Variants in RASSF3 observed in about 807,000 individuals in gnomAD.
The protein encoded by RASSF3 is Ras association domain family member 3, also known as ras association domain-containing protein 3.
In RASSF3, 19 loss-of-function variants were observed where a neutral mutation model predicts 19.9. The ratio of observed to expected loss-of-function variants is 0.96; its 90% confidence interval spans 0.67 to 1.40. The LOEUF (loss-of-function observed/expected upper bound fraction) is 1.40, where lower values mean the gene tolerates loss of function less well. Ranked by LOEUF, RASSF3 falls within the 40% of genes most tolerant of loss-of-function variation. The pLI is 0.00. For missense variants in RASSF3, 306 were observed against 289.8 expected (o/e 1.06, Z -0.41); for synonymous variants, 110 against 104.2 (o/e 1.06, Z -0.34).
At chr12:64,659,813 T>C (rs1383417684) in intron 1 of RASSF3, among the ~76,000 whole-genome samples, 1 of 151,930 alleles carries the variant, frequency 6.6e-6, no homozygotes. Context: ...CTGGATGTGG[T>C]GGTGCATGCC....
intron 1 of RASSF3, chr12:64,611,698 C>T (rs982056456): frequency 2.6e-5 from 4 of 152,236 alleles, no homozygotes; most frequent in African/African-American, 9.6e-5. Context: ...GTTCGCCAAA[C>T]ATTTCTATTA....
At chr12:64,544,072 A>G (rs1388447104), downstream of RASSF3, among the ~76,000 whole-genome samples, 2 of 152,148 alleles carry the variant, frequency 1.3e-5, no homozygotes, top group African/African-American at 4.8e-5. Context: ...ACGCCTTGGC[A>G]CCTCGGTGGG....
intron 2 of RASSF3, among the ~76,000 whole-genome samples, chr12:64,569,745 C>T (rs560554720): frequency 1.7e-4 from 26 of 152,326 alleles, no homozygotes; most frequent in Non-Finnish European, 1.6e-4. Context: ...GCGGGCAGAT[C>T]ACTTGAGATT....
At chr12:64,579,956 A>G (rs148251603) in intron 2 of RASSF3, among the ~76,000 whole-genome samples, 1,532 of 152,056 alleles carry the variant, frequency 0.01, 26 homozygotes, top group African/African-American at 0.035. Flanking sequence ...CTGGGATTAC[A>G]GGCATGCGCC....
chr12:64,578,265 C>A (rs985169118), intron 2 of RASSF3, among the ~76,000 whole-genome samples: 3 of 152,062 alleles, frequency 2.0e-5, no homozygotes, highest in Non-Finnish European at 2.9e-5. Context: ...TGAGGGTTTA[C>A]AATGTGACAG....
At chr12:64,653,114 G>C (rs984386699) in intron 1 of RASSF3, among the ~76,000 whole-genome samples, 2 of 152,160 alleles carry the variant, frequency 1.3e-5, no homozygotes, top group African/African-American at 2.4e-5. Flanking sequence ...TGTCACCCAG[G>C]TTGGAGTACA....
At chr12:64,508,714 G>A (rs560964251) in intron 1 of RASSF3, among the ~76,000 whole-genome samples, 2 of 151,992 alleles carry the variant, frequency 1.3e-5, no homozygotes, top group East Asian at 3.9e-4. Context: ...GAGAAACCCT[G>A]TCTCTACTAA....
At chr12:64,602,859 G>A (rs1246595948) in intron 2 of RASSF3, among the ~76,000 whole-genome samples, 1 of 152,140 alleles carries the variant, frequency 6.6e-6, no homozygotes, top group Non-Finnish European at 1.5e-5. Flanking sequence ...CCCAGCACTT[G>A]GGAGGCCAAG....
At chr12:64,617,860 T>C (rs1025172859) in intron 1 of RASSF3, among the ~76,000 whole-genome samples, 1 of 152,182 alleles carries the variant, frequency 6.6e-6, no homozygotes, top group Non-Finnish European at 1.5e-5. Context: ...CCCGGCCCTA[T>C]ACATCTGTTT....
Position 64,634,971 on chromosome 12 carries a change from T to TC in RASSF3, c.111+24228_111+24229insC, listed in dbSNP as rs201230499. ...CTTTTTCTTTTCTTTTCTTTTCTTT[T>TC]TTTTTTTTTTTTGAGACAAGATCTA... On this transcript the variant is annotated intron_variant, in intron 1 of 4. Transcript: ENST00000542104. 6.9e-3 allele frequency among the ~76,000 whole-genome samples: 1,026 copies of TC among 147,968 alleles called. 14 individuals carry two copies. Among genetic ancestry groups the TC allele is most frequent in the African/African-American group, 0.024 (987 of 40,520 alleles).
At chr12:64,532,702 G>A (rs533158810), upstream of RASSF3, among the ~76,000 whole-genome samples, 4 of 151,418 alleles carry the variant, frequency 2.6e-5, no homozygotes, top group Non-Finnish European at 4.4e-5. Flanking sequence ...CAGGCGTGGC[G>A]ACACTTGCCT....
At chr12:64,649,188 T>TG (rs1400289938) in intron 1 of RASSF3, among the ~76,000 whole-genome samples, 4 of 134,682 alleles carry the variant, frequency 3.0e-5, no homozygotes, top group Admixed American at 2.2e-4. Context: ...AGCAGCCATC[T>TG]GGGTTTTTTT....
At chr12:64,672,311 C>T (rs145101768) in intron 1 of RASSF3, among the ~76,000 whole-genome samples, 2,627 of 152,166 alleles carry the variant, frequency 0.017, 164 homozygotes, top group Admixed American at 0.12. Context: ...CTGGAACCCC[C>T]GCCTCCTGAG....
intron 2 of RASSF3, among the ~76,000 whole-genome samples, chr12:64,571,055 T>C (rs1869510108): frequency 6.6e-6 from 1 of 151,926 alleles, no homozygotes; most frequent in African/African-American, 2.4e-5. Context: ...CCATCTCTAC[T>C]AAAAATACAA....
At chr12:64,547,128 C>CAAG (rs1408476640) in intron 2 of RASSF3, among the ~76,000 whole-genome samples, 35 of 152,004 alleles carry the variant, frequency 2.3e-4, no homozygotes, top group African/African-American at 8.0e-4. Context: ...AAAAATGAGC[C>CAAG]AAGTGTGGTG....
downstream of RASSF3, among the ~76,000 whole-genome samples, chr12:64,545,406 C>A (rs1299924902): frequency 6.6e-6 from 1 of 152,106 alleles, no homozygotes; most frequent in Non-Finnish European, 1.5e-5. Flanking sequence ...ATACTGAGCT[C>A]TCTGATGTGG....
At chr12:64,588,743 T>A (rs1369925088) in intron 2 of RASSF3, among the ~76,000 whole-genome samples, 1 of 152,212 alleles carries the variant, frequency 6.6e-6, no homozygotes, top group African/African-American at 2.4e-5. Context: ...TCTGTATATT[T>A]AGTTTTATAT....
rs183353924 is a variant in RASSF3, at chr12:64,685,938, C to T, written c.219+1044C>T. On this transcript the variant is annotated intron_variant, in intron 2 of 4. Coordinates refer to ENST00000542104, the MANE Select transcript of RASSF3 (RefSeq NM_178169.4). ...GGATCCCCGTCTCTCAGTCTGTTTACTGTGAACTGACAGAGTTTGGTAAAG... is the reference window on the plus strand; with the variant it reads ...GGATCCCCGTCTCTCAGTCTGTTTATTGTGAACTGACAGAGTTTGGTAAAG... Among the ~76,000 whole-genome samples, 164 of 152,306 alleles carry T rather than the reference C, an allele frequency of 1.1e-3. 2 individuals carry two copies. Among genetic ancestry groups the T allele is most frequent in the Admixed American group, 5.3e-3 (81 of 15,300 alleles).
intron 2 of RASSF3, among the ~76,000 whole-genome samples, chr12:64,590,237 A>G (rs1160172271): frequency 6.6e-6 from 1 of 151,984 alleles, no homozygotes; most frequent in Non-Finnish European, 1.5e-5. Context: ...CTGTCAAAAA[A>G]AAAAAAAATG....
Sources: allele counts gnomAD v4.1 joint callset (sites outside exome capture counted in the v4.1 genomes callset), GRCh38; gene constraint gnomAD v4.1.1; transcripts MANE v1.5; gene names NCBI Gene and HGNC (gene_info 2026-07-23, HGNC 2026-07-21).